PKNOX2: variants seen among roughly 807,000 people sequenced by gnomAD.
PKNOX2 encodes PBX/knotted 1 homeobox 2, also known as homeobox protein PKNOX2.
PKNOX2 carries 14 observed loss-of-function variants against 53.1 expected under a neutral mutation model. The observed-to-expected ratio is 0.26, with a 90% CI of 0.17 to 0.41. PKNOX2 has a LOEUF of 0.41. Ranked by LOEUF, PKNOX2 falls within the 10% of genes least tolerant of loss-of-function variation. The probability of loss-of-function intolerance (pLI) is 1.00; values close to 1 mark genes in which losing one functional copy is unlikely to be tolerated. For synonymous variants in PKNOX2, 257 were observed against 242.8 expected (o/e 1.06, Z -0.54); for missense variants, 496 against 602.8 (o/e 0.82, Z 1.85).
chr11:125,186,914 T>G (rs551128568), intron 1 of PKNOX2, among the ~76,000 whole-genome samples: 2 of 152,298 alleles, frequency 1.3e-5, no homozygotes, highest in East Asian at 3.9e-4. Flanking sequence ...GGCTCCAACT[T>G]TATTCTTTTG....
At chr11:125,263,106 C>G (rs1945009585) in intron 2 of PKNOX2, among the ~76,000 whole-genome samples, 1 of 152,184 alleles carries the variant, frequency 6.6e-6, no homozygotes, top group Non-Finnish European at 1.5e-5. Flanking sequence ...GGGTGCCAGC[C>G]CTAGCTCTAG....
At chr11:125,249,604 G>A (rs969554216) in intron 2 of PKNOX2, among the ~76,000 whole-genome samples, 1 of 152,152 alleles carries the variant, frequency 6.6e-6, no homozygotes, top group African/African-American at 2.4e-5. Flanking sequence ...GGGAGAATAT[G>A]TGTAGGTTAT....
intron 2 of PKNOX2, among the ~76,000 whole-genome samples, chr11:125,260,537 C>T (rs1330603076): frequency 1.3e-5 from 2 of 152,058 alleles, no homozygotes; most frequent in Non-Finnish European, 2.9e-5. Context: ...GATTGATGCT[C>T]ACATAGGTTG....
intron 2 of PKNOX2, among the ~76,000 whole-genome samples, chr11:125,329,115 T>C (rs767362019): frequency 7.2e-5 from 11 of 152,228 alleles, no homozygotes; most frequent in Non-Finnish European, 1.2e-4. Context: ...GTGAAGAATT[T>C]GTCTGAGTAA....
rs965878764 is a variant in PKNOX2 at position 125,268,726 on chromosome 11, A to T, written c.-130+33611A>T. ...GACAGAAGTCTCTTGTTTCAAGAAG[A>T]CATCAGTTCAGTGGTGGTATTCTGC... is the stretch of plus-strand genomic sequence containing the variant. On this transcript the variant is annotated intron_variant, in intron 2 of 12. Coordinates refer to ENST00000298282, the MANE Select transcript of PKNOX2 (RefSeq NM_001382323.2). 4.0e-5 allele frequency among the ~76,000 whole-genome samples: 6 copies of T among 150,256 alleles called. No individual in the cohort carries two copies. The East Asian group carries it at 1.2e-3, about 30-fold the overall frequency.
At chr11:125,332,725 T>C (rs1950209200) in intron 3 of PKNOX2, 1 of 152,222 alleles carries the variant, frequency 6.6e-6, no homozygotes, top group Non-Finnish European at 1.5e-5. Flanking sequence ...ACCATGATTT[T>C]ACAGTTCATC....
At chr11:125,259,004 G>A (rs749906300) in intron 2 of PKNOX2, 19 of 200,302 alleles carry the variant, frequency 9.5e-5, no homozygotes, top group East Asian at 8.0e-4. Flanking sequence ...GCATAGTGTC[G>A]GACACATACT....
At chr11:125,415,103 A>G (rs1226258070) in intron 10 of PKNOX2, among the ~76,000 whole-genome samples, 1 of 152,106 alleles carries the variant, frequency 6.6e-6, no homozygotes, top group Non-Finnish European at 1.5e-5. Context: ...ATCATACATT[A>G]TATTCCTCTA....
At chr11:125,386,228 G>C (rs1210218859) in intron 6 of PKNOX2, among the ~76,000 whole-genome samples, 1 of 152,172 alleles carries the variant, frequency 6.6e-6, no homozygotes, top group Admixed American at 6.5e-5. Flanking sequence ...CTGGGGACAG[G>C]GTAGATCAGC....
chr11:125,295,079 G>A (rs1441434866), intron 2 of PKNOX2, among the ~76,000 whole-genome samples: 1 of 152,152 alleles, frequency 6.6e-6, no homozygotes, highest in African/African-American at 2.4e-5. Flanking sequence ...CTAGAGGCGG[G>A]TCCACAGTGT....
intron 2 of PKNOX2, among the ~76,000 whole-genome samples, chr11:125,257,731 C>T (rs771112035): frequency 1.9e-4 from 29 of 152,118 alleles, no homozygotes; most frequent in Non-Finnish European, 4.0e-4. Flanking sequence ...TTTAGGTTGC[C>T]CTTTTCATCG....
intron 2 of PKNOX2, among the ~76,000 whole-genome samples, chr11:125,268,539 G>A (rs1371005711): frequency 6.6e-6 from 1 of 152,224 alleles, no homozygotes; most frequent in African/African-American, 2.4e-5. Context: ...GGGCAGGGCT[G>A]AAGCTGGGAG....
intron 2 of PKNOX2, among the ~76,000 whole-genome samples, chr11:125,290,657 CAT>C (rs1947249074): frequency 1.3e-5 from 2 of 152,212 alleles, no homozygotes; most frequent in Admixed American, 1.3e-4. Flanking sequence ...TAGTCTCAGT[CAT>C]ACATTCATTC....
chr11:125,241,984 G>A (rs547001009), intron 2 of PKNOX2, among the ~76,000 whole-genome samples: 1 of 152,336 alleles, frequency 6.6e-6, no homozygotes, highest in Non-Finnish European at 1.5e-5. Flanking sequence ...CAAGCTCCAG[G>A]ATGGATGGTG....
At chr11:125,202,883 C>T (rs190468928) in intron 1 of PKNOX2, among the ~76,000 whole-genome samples, 1 of 152,256 alleles carries the variant, frequency 6.6e-6, no homozygotes, top group African/African-American at 2.4e-5. Flanking sequence ...CCTCTCTACC[C>T]CCAGCTGCCA....
chr11:125,224,452 G>A (rs141460710), intron 1 of PKNOX2, among the ~76,000 whole-genome samples: 39 of 152,350 alleles, frequency 2.6e-4, no homozygotes, highest in African/African-American at 9.1e-4. Context: ...AGGGTGACTT[G>A]GGTTGGAGAT....
chr11:125,289,169 GGGGCCCTGCTGACCA>G lies in PKNOX2; in HGVS notation c.-129-42646_-129-42632del, dbSNP rs1306331418. Among the ~76,000 whole-genome samples the G allele has an allele frequency of 3.9e-5, 6 of 152,296 alleles. No homozygotes were observed. In the South Asian group the frequency reaches 6.2e-4, roughly 16 times the overall value. On this transcript the variant is annotated intron_variant, in intron 2 of 12. Transcript: ENST00000298282. ...CTTCAAGCGGAACCCATAGCAGACC[GGGGCCCTGCTGACCA>G]GGGGAAATCTCTTAGCTCCCAGGTG...
chr11:125,245,112 T>C (rs1454777098), intron 2 of PKNOX2, among the ~76,000 whole-genome samples: 2 of 152,320 alleles, frequency 1.3e-5, no homozygotes, highest in East Asian at 3.9e-4. Flanking sequence ...GGGGAGACCT[T>C]CCATGCTGGA....
chr11:125,430,793 C>G (rs1002893908), intron 12 of PKNOX2, among the ~76,000 whole-genome samples: 6 of 151,500 alleles, frequency 4.0e-5, no homozygotes, highest in Admixed American at 3.3e-4. Flanking sequence ...CTGGACCAGC[C>G]TGGGAGAAAA....
Sources: gnomAD v4.1 joint callset for allele counts (sites outside exome capture counted in the v4.1 genomes callset) on GRCh38, gnomAD v4.1.1 for gene constraint, MANE v1.5 for transcripts, NCBI Gene and HGNC (gene_info 2026-07-23, HGNC 2026-07-21) for gene names.